PCDHGB1: variants seen among roughly 807,000 people sequenced by gnomAD.
PCDHGB1 encodes the protein protocadherin gamma subfamily B, 1, also known as protocadherin gamma-B1.
PCDHGB1 carries 34 observed loss-of-function variants against 56.6 expected under a neutral mutation model. That is an observed-to-expected ratio of 0.60 (90% CI 0.46 to 0.80). The LOEUF (loss-of-function observed/expected upper bound fraction) is 0.80, where lower values mean the gene tolerates loss of function less well. Among genes scored for constraint, PCDHGB1 ranks in the 30% least tolerant of loss-of-function variants. PCDHGB1 has a pLI of 0.00. For synonymous variants in PCDHGB1, 561 were observed against 505.9 expected, an observed-to-expected ratio of 1.11 and a Z score of -1.46; for missense variants, 1,278 against 1,204.6, an observed-to-expected ratio of 1.06 and a Z score of -0.90.
At chr5:141,418,131 A>C (rs1421799777) in intron 1 of PCDHGB1, 1 of 1,614,044 alleles carries the variant, frequency 6.2e-7, no homozygotes, top group East Asian at 2.2e-5. Flanking sequence ...GACCGAATAG[A>C]CCGTGAGCAA....
chr5:141,365,052 T>C (rs1179156267), intron 1 of PCDHGB1: 13 of 1,613,872 alleles, frequency 8.1e-6, no homozygotes, highest in Middle Eastern at 1.6e-4. Flanking sequence ...AATGCGCCCC[T>C]GTTCACCCCA....
chr5:141,509,056 G>C (rs1303823294), intron 3 of PCDHGB1, among the ~76,000 whole-genome samples: 1 of 152,178 alleles, frequency 6.6e-6, no homozygotes, highest in Non-Finnish European at 1.5e-5. Flanking sequence ...CCCCCAGAAA[G>C]CTCTCAGCTC....
At chr5:141,390,505 A>T in intron 1 of PCDHGB1, 1 of 600,954 alleles carries the variant, frequency 1.7e-6, no homozygotes, top group South Asian at 2.1e-5. Context: ...CCAAGCTTAG[A>T]TTTATAAAGC....
intron 1 of PCDHGB1, chr5:141,410,438 G>A (rs957017717): frequency 2.5e-6 from 4 of 1,613,894 alleles, no homozygotes; most frequent in African/African-American, 2.7e-5. Flanking sequence ...CTACAGTGAG[G>A]GGACTTTGCC....
rs1415142555 is a variant in PCDHGB1, at chr5:141,476,011, A to G, written c.2410-18796A>G. The G allele has an allele frequency of 7.6e-7, 1 of 1,311,282 alleles. No individual in the cohort carries two copies. The highest frequency in any genetic ancestry group is 1.0e-6 in the Non-Finnish European group (1 of 962,238). 81.2% of individuals were successfully genotyped at this position (1,311,282 alleles called of 1,614,324 possible). ...GCAAATCAACGGCATCCAGAAAGCC[A>G]TGTCGGACTCGGCGCCCAGCGCCCA... On this transcript the variant is annotated intron_variant, in intron 1 of 3. Coordinates refer to ENST00000523390, the MANE Select transcript of PCDHGB1 (RefSeq NM_018922.3). This position sits in a 1 kb window ranked among gnomAD's most constrained non-coding sequence, Gnocchi z 7.6.
chr5:141,414,638 A>C lies in PCDHGB1; in HGVS notation c.2409+61969A>C, dbSNP rs539861509. The C allele has an allele frequency of 7.8e-5, 126 of 1,613,988 alleles. 1 individual carries two copies. In the South Asian group the frequency reaches 1.3e-3, roughly 17 times the overall value. ...GCGCTGGACCCGGACAGCAAAGAGA[A>C]TGCCCAGATTATTTACTCCCTGGCT... On this transcript the variant is annotated intron_variant, in intron 1 of 3. Coordinates refer to ENST00000523390, the MANE Select transcript of PCDHGB1 (RefSeq NM_018922.3).
chr5:141,394,509 G>T lies in PCDHGB1; in HGVS notation c.2409+41840G>T, dbSNP rs367855808. 10 of 1,614,028 alleles carry T rather than the reference G, an allele frequency of 6.2e-6. No homozygotes were observed. The highest frequency in any genetic ancestry group is 7.6e-6 in the Non-Finnish European group (9 of 1,180,034). On this transcript the variant is annotated intron_variant, in intron 1 of 3. Transcript: ENST00000523390. ...CAACGCGCCCGAGATCCTGTACCCCGCCCTCCCCACAGACGGTTCCACTGG... is the reference window on the plus strand; with the variant it reads ...CAACGCGCCCGAGATCCTGTACCCCTCCCTCCCCACAGACGGTTCCACTGG...
rs190955361 is a variant in PCDHGB1, at chr5:141,486,090, G to A, written c.2410-8717G>A. On this transcript the variant is annotated intron_variant, in intron 1 of 3. Transcript: ENST00000523390. The surrounding 1 kb of genome is among the most constrained non-coding windows in gnomAD (Gnocchi z 5.0). ...ACTACTGGAAAGCTTACTCTTTTGG[G>A]GCCCCTAGACTTTGAGAGTGAGAAT... 3 of 1,614,086 alleles carry A rather than the reference G, an allele frequency of 1.9e-6. No homozygotes were observed. The highest frequency in any genetic ancestry group is 1.6e-4 in the Middle Eastern group (1 of 6,062).
rs367576240 is a variant in PCDHGB1, at chr5:141,350,687, G to T, written c.427G>T (p.Ala143Ser). The change falls in exon 1 of 4, where the codon GCC becomes TCC. Residue 143 changes from alanine (A) to serine (S), a missense_variant. Transcript: ENST00000523390. ...CATTGACTTAGAAATTTGTGAGTCA[G>T]CCTTACCCGGGGTAAAATTCTCTCT... The part of the protein sequence containing the change: ...KGIDLEICES[A>S]LPGVKFSLDS... 1.1e-4 allele frequency: 172 copies of T among 1,613,894 alleles called. No individual in the cohort carries two copies. The highest frequency in any genetic ancestry group is 1.4e-4 in the Non-Finnish European group (167 of 1,179,912).
chr5:141,365,347 C>T (rs762446364), intron 1 of PCDHGB1: 10 of 1,613,828 alleles, frequency 6.2e-6, no homozygotes, highest in East Asian at 2.2e-5. Context: ...CAGTACAGGA[C>T]GTGAATGACA....
chr5:141,447,360 A>G (rs1471046883), intron 1 of PCDHGB1, among the ~76,000 whole-genome samples: 1 of 151,914 alleles, frequency 6.6e-6, no homozygotes, highest in Non-Finnish European at 1.5e-5. Context: ...GCTGGTCTCA[A>G]ACTCCTGACC....
At chr5:141,468,965 T>C (rs2099187692) in intron 1 of PCDHGB1, among the ~76,000 whole-genome samples, 1 of 151,738 alleles carries the variant, frequency 6.6e-6, no homozygotes, top group Admixed American at 6.6e-5. Context: ...TTTTTTACCT[T>C]AGGCTTTTGA....
At chr5:141,401,935 T>C (rs1026278615) in intron 1 of PCDHGB1, among the ~76,000 whole-genome samples, 4 of 152,240 alleles carry the variant, frequency 2.6e-5, no homozygotes, top group African/African-American at 9.6e-5. Flanking sequence ...CTTAGAATAA[T>C]GTTTAAGACC....
chr5:141,485,882 G>C lies in PCDHGB1; in HGVS notation c.2410-8925G>C. 6.2e-7 allele frequency: 1 copy of C among 1,614,146 alleles called. No homozygotes were observed. On this transcript the variant is annotated intron_variant, in intron 1 of 3. Transcript: ENST00000523390. The surrounding 1 kb of genome is among the most constrained non-coding windows in gnomAD (Gnocchi z 5.7). ...CCGGGTATCCGTGCTGGACGTAAACGACAACGCCCCAGCCTTCCAGCAATC... is the reference window on the plus strand; with the variant it reads ...CCGGGTATCCGTGCTGGACGTAAACCACAACGCCCCAGCCTTCCAGCAATC...
intron 1 of PCDHGB1, chr5:141,362,416 G>C (rs1167115299): frequency 1.2e-6 from 2 of 1,614,008 alleles, no homozygotes; most frequent in Non-Finnish European, 1.7e-6. Context: ...CTCACAATCA[G>C]CCAAGACAGA....
In PCDHGB1 at chr5:141,433,198, A is replaced by G. The variant is rs373769649; in HGVS notation, c.2410-61609A>G. 11 of 1,581,706 alleles carry G rather than the reference A, an allele frequency of 7.0e-6. No individual in the cohort carries two copies. The African/African-American group carries it at 1.1e-4, about 16-fold the overall frequency. On this transcript the variant is annotated intron_variant, in intron 1 of 3. Coordinates refer to ENST00000523390, the MANE Select transcript of PCDHGB1 (RefSeq NM_018922.3). ...GGTTAATTGAGGTGAGTTTATATCA[A>G]ATCTTCTTTCTTTTTTTTTTTTAAT...
At chr5:141,362,569 T>G (rs779199612) in intron 1 of PCDHGB1, 18 of 1,607,524 alleles carry the variant, frequency 1.1e-5, no homozygotes, top group Admixed American at 1.7e-5. Context: ...GAGCTTTAAT[T>G]AATTTATTTT....
chr5:141,372,588 T>G lies in PCDHGB1; in HGVS notation c.2409+19919T>G, dbSNP rs781493035. 9.3e-6 allele frequency: 15 copies of G among 1,613,932 alleles called. No individual in the cohort carries two copies. The South Asian group carries it at 1.2e-4, about 13-fold the overall frequency. ...TGAGGGCTACTTTCAGCCTGGTGTC[T>G]GCTTCAAGACTGTACCTGGAGTTCT... On this transcript the variant is annotated intron_variant, in intron 1 of 3. Transcript: ENST00000523390.
In PCDHGB1 at chr5:141,489,928, G is replaced by A. The variant is rs752861962; in HGVS notation, c.2410-4879G>A. ...CCGCTCAGGGACCACCCTTATCTCT[G>A]TCATCGTGCTGGACATCAATGATAA... On this transcript the variant is annotated intron_variant, in intron 1 of 3. Transcript: ENST00000523390. The surrounding 1 kb of genome is among the most constrained non-coding windows in gnomAD (Gnocchi z 4.5). 2 of 1,614,206 alleles carry A rather than the reference G, an allele frequency of 1.2e-6. No homozygotes were observed. Among genetic ancestry groups the A allele is most frequent in the Non-Finnish European group, 1.7e-6 (2 of 1,180,038 alleles).
Sources: gnomAD v4.1 joint callset for allele counts (sites outside exome capture counted in the v4.1 genomes callset) on GRCh38, gnomAD v4.1.1 for gene constraint, Gnocchi (gnomAD v3.1) non-coding constraint, MANE v1.5 for transcripts, NCBI Gene and HGNC (gene_info 2026-07-23, HGNC 2026-07-21) for gene names.